Variants in PCSK5 observed in about 807,000 individuals in gnomAD.
PCSK5 encodes prohormone convertase 5.
In PCSK5, 129 loss-of-function variants were observed where a neutral mutation model predicts 233.2. The ratio of observed to expected loss-of-function variants is 0.55; its 90% CI spans 0.48 to 0.64. The LOEUF (loss-of-function observed/expected upper bound fraction) is 0.64. PCSK5 is among the 30% of genes least tolerant of loss of function. The pLI, the probability that PCSK5 is intolerant of heterozygous loss-of-function variation, is 0.00. For synonymous variants in PCSK5, 825 were observed against 879.2 expected, an observed-to-expected ratio of 0.94 and a Z score of 1.09; for missense variants, 2,076 against 2,430.1, an observed-to-expected ratio of 0.85 and a Z score of 3.06.
rs1247988045 is a variant in PCSK5, at chr9:75,986,049, C to T, written c.298-83C>T. On this transcript the variant is annotated intron_variant, in intron 2 of 37. Transcript: ENST00000674117. ...TTGTGACTTAAATAGCCTTGACTTA[C>T]AATGGGAAATGCCTCAGACTGTCAT... 5.0e-6 allele frequency: 4 copies of T among 806,598 alleles called. No homozygotes were observed. In the Admixed American group the frequency reaches 6.0e-5, roughly 12 times the overall value. The allele number at this position is 806,598 out of a possible 1,614,324, so 50.0% of individuals were successfully genotyped here. A position where few individuals can be genotyped will look rare whatever the true frequency, so the allele number is the denominator to read the frequency against.
intron 24 of PCSK5, among the ~76,000 whole-genome samples, chr9:76,272,328 C>G (rs1827540462): frequency 6.6e-6 from 1 of 152,160 alleles, no homozygotes; most frequent in African/African-American, 2.4e-5. Context: ...CCACATCAGT[C>G]TTCTAACTAG....
intron 14 of PCSK5, among the ~76,000 whole-genome samples, chr9:76,178,363 C>T (rs568683310): frequency 3.3e-5 from 5 of 152,268 alleles, no homozygotes; most frequent in African/African-American, 4.8e-5. Flanking sequence ...GAGAAGTCAT[C>T]CCTAGTACGT....
chr9:76,145,456 C>T (rs1823407106), intron 10 of PCSK5, among the ~76,000 whole-genome samples: 1 of 152,134 alleles, frequency 6.6e-6, no homozygotes, highest in African/African-American at 2.4e-5. Context: ...GTCAACCTGT[C>T]TTGTGAAAAT....
At chr9:76,133,780 T>A (rs1320174090) in intron 9 of PCSK5, among the ~76,000 whole-genome samples, 1 of 152,068 alleles carries the variant, frequency 6.6e-6, no homozygotes, top group Non-Finnish European at 1.5e-5. Flanking sequence ...CAAGCTTTTA[T>A]ACAAAGGATG....
chr9:75,918,204 G>T (rs1823089550), intron 1 of PCSK5, among the ~76,000 whole-genome samples: 2 of 152,182 alleles, frequency 1.3e-5, no homozygotes, highest in Admixed American at 6.5e-5. Context: ...ATATAGATTG[G>T]TTGGGTATAT....
chr9:76,148,643 T>G (rs1313298758), intron 10 of PCSK5, among the ~76,000 whole-genome samples: 2 of 152,138 alleles, frequency 1.3e-5, no homozygotes, highest in East Asian at 3.9e-4. Flanking sequence ...TACCCTTCTG[T>G]CCATCACCCT....
chr9:76,209,386 A>G (rs1349882450), intron 20 of PCSK5: 1 of 353,548 alleles, frequency 2.8e-6, no homozygotes, highest in East Asian at 8.3e-5. Context: ...TAACCGTACT[A>G]ATCATGCAAA....
At chr9:76,281,464 A>G (rs1343460606) in intron 24 of PCSK5, among the ~76,000 whole-genome samples, 1 of 152,080 alleles carries the variant, frequency 6.6e-6, no homozygotes, top group African/African-American at 2.4e-5. Flanking sequence ...ATGGTTACTG[A>G]ATATTTTAAG....
chr9:76,102,999 AT>A (rs1831827212), intron 8 of PCSK5, among the ~76,000 whole-genome samples: 1 of 152,162 alleles, frequency 6.6e-6, no homozygotes, highest in African/African-American at 2.4e-5. Context: ...AAAATCTTCT[AT>A]TTGTACTTCA....
At chr9:75,897,166 T>TAG (rs1417721417) in intron 1 of PCSK5, among the ~76,000 whole-genome samples, 1 of 152,064 alleles carries the variant, frequency 6.6e-6, no homozygotes, top group Non-Finnish European at 1.5e-5. Context: ...AAATAAGGCA[T>TAG]AGGGAGCATT....
At chr9:75,982,030 T>A (rs1311084847) in intron 2 of PCSK5, among the ~76,000 whole-genome samples, 1 of 152,200 alleles carries the variant, frequency 6.6e-6, no homozygotes, top group Non-Finnish European at 1.5e-5. Flanking sequence ...GTTTATCAGG[T>A]TTTTTGTGTA....
At chr9:76,244,484 G>A (rs1421047777) in intron 24 of PCSK5, among the ~76,000 whole-genome samples, 1 of 151,702 alleles carries the variant, frequency 6.6e-6, no homozygotes, top group Non-Finnish European at 1.5e-5. Context: ...ATCTCTAGGG[G>A]AGTCAGAGAA....
intron 24 of PCSK5, among the ~76,000 whole-genome samples, chr9:76,280,136 A>G (rs1827821616): frequency 6.6e-6 from 1 of 152,052 alleles, no homozygotes; most frequent in South Asian, 2.1e-4. Context: ...TGAACTTTTC[A>G]TCATTATTTT....
At chr9:76,319,449 C>T (rs199602492) in intron 30 of PCSK5, among the ~76,000 whole-genome samples, 1,436 of 137,412 alleles carry the variant, frequency 0.01, no homozygotes, top group African/African-American at 0.016. Flanking sequence ...TGTTGCATTA[C>T]TAATATAACC....
At chr9:76,075,910 A>G (rs1433919133) in intron 7 of PCSK5, among the ~76,000 whole-genome samples, 10 of 152,218 alleles carry the variant, frequency 6.6e-5, no homozygotes, top group South Asian at 4.1e-4. Context: ...TGCATCTTCT[A>G]TGTAATACAT....
intron 25 of PCSK5, among the ~76,000 whole-genome samples, chr9:76,294,417 G>A (rs962057167): frequency 5.9e-5 from 9 of 152,192 alleles, no homozygotes; most frequent in East Asian, 1.9e-4. Context: ...AAGCTACTTC[G>A]CTACTATTGT....
Position 76,310,778 on chromosome 9 carries a change from T to C in PCSK5, c.3811T>C (p.Cys1271Arg). 1.2e-6 allele frequency: 2 copies of C among 1,612,268 alleles called. No homozygotes were observed. The highest frequency in any genetic ancestry group is 1.7e-6 in the Non-Finnish European group (2 of 1,179,644). ...TGCCATCTGCTCTGGAGCCGATCTT[T>C]GCAAAAAATGCCAGATGCAGCCGGG... ...ACAICSGADL[C>R]KKCQMQPGHP... Residue 1271 changes from cysteine to arginine, a missense_variant, in exon 30 of 38, where the codon TGC becomes CGC. Coordinates refer to ENST00000674117, the MANE Select transcript of PCSK5 (RefSeq NM_001372043.1).
At position 76,188,663 on chromosome 9, in the gene PCSK5, G is replaced by A. The variant is rs41304222; in HGVS notation, c.2368G>A (p.Ala790Thr). 170 of 1,612,250 alleles carry A rather than the reference G, an allele frequency of 1.1e-4. 2 individuals are homozygous for A. The South Asian group carries it at 1.2e-3, about 12-fold the overall frequency. The change falls in exon 18 of 38, where the codon GCC (alanine) becomes ACC (threonine). Residue 790 changes from alanine (A) to threonine (T), a missense_variant. Physicochemically the swap from Ala to Thr is moderately conservative, Grantham distance 58. Coordinates refer to ENST00000674117, the MANE Select transcript of PCSK5 (RefSeq NM_001372043.1). ...CTGCCAGCCCTGCCACCGCTTCTGCGCCACTTGTGCTGGTACCTTCCCTAG... is the reference window on the plus strand; with the variant it reads ...CTGCCAGCCCTGCCACCGCTTCTGCACCACTTGTGCTGGTACCTTCCCTAG... ...QDCQPCHRFC[A>T]TCAGAGADGC...
In PCSK5 at chr9:76,328,106, C is replaced by T. The variant is rs761986891; in HGVS notation, c.4437C>T (p.Asn1479=). The T allele has an allele frequency of 1.2e-5, 19 of 1,612,706 alleles. No homozygotes were observed. Among genetic ancestry groups the T allele is most frequent in the African/African-American group, 4.0e-5 (3 of 74,920 alleles). Residue 1479 remains asparagine, a synonymous_variant, in exon 33 of 38, where the codon AAC becomes AAT. Coordinates refer to ENST00000674117, the MANE Select transcript of PCSK5 (RefSeq NM_001372043.1). The part of the protein sequence containing the change: ...IMNPRGSCMA[N]EKCSPSEYWD... ...ACCCTCGTGGGAGCTGCATGGCCAA[C>T]GAGAAGTGCTCACCCTCCGAGTACT...
Sources: allele counts gnomAD v4.1 joint callset (sites outside exome capture counted in the v4.1 genomes callset), GRCh38; gene constraint gnomAD v4.1.1; transcripts MANE v1.5; gene names NCBI Gene and HGNC (gene_info 2026-07-23, HGNC 2026-07-21).